The following MPLKIP variants were observed in gnomAD, a reference collection of about 807,000 sequenced individuals.
The protein encoded by MPLKIP is M-phase specific PLK1 interacting protein.
Under a neutral mutation model 16.9 loss-of-function variants are expected in MPLKIP, and 16 were observed. The ratio of observed to expected loss-of-function variants is 0.94; its 90% CI spans 0.64 to 1.43. The LOEUF is 1.43. Ranked by LOEUF, MPLKIP falls within the 40% of genes most tolerant of loss-of-function variation. MPLKIP has a pLI of 0.00. For missense variants in MPLKIP, 282 were observed against 237.6 expected, an observed-to-expected ratio of 1.19 and a Z score of -1.23; for synonymous variants, 126 against 98.4, an observed-to-expected ratio of 1.28 and a Z score of -1.66.
At chr7:40,133,990 G>T (rs1349386826) in intron 1 of MPLKIP, among the ~76,000 whole-genome samples, 1 of 152,136 alleles carries the variant, frequency 6.6e-6, no homozygotes, top group African/African-American at 2.4e-5. Context: ...CTGTGTACGG[G>T]TGGCAGTGTA....
Position 40,133,105 on chromosome 7 carries a change from C to T in MPLKIP, c.494G>A (p.Ser165Asn). 6.2e-7 allele frequency: 1 copy of T among 1,613,930 alleles called. No homozygotes were observed. Among genetic ancestry groups the T allele is most frequent in the South Asian group, 1.1e-5 (1 of 91,080 alleles). The change falls in exon 2 of 2, where the codon AGC (serine) becomes AAC (asparagine). Residue 165 changes from serine (S) to asparagine (N), a missense_variant. Coordinates refer to ENST00000306984, the MANE Select transcript of MPLKIP (RefSeq NM_138701.4). ...VSVVDISQQY[S>N]NTQTFTGKKG... is the part of the protein sequence containing the mutation. ...TTTGCCTGTGAATGTTTGAGTATTG[C>T]TGTATTGTTGGCTTATATCCACTAC...
At position 40,133,197 on chromosome 7, in the gene MPLKIP, A is replaced by AAT. The variant is rs1787492900; in HGVS notation, c.401_402insAT (p.Asn134LysfsTer20). On this transcript the variant is annotated frameshift_variant, in exon 2 of 2. Transcript: ENST00000306984. LOFTEE classifies it high-confidence loss of function. ...AAGGCTTGAAATAATTTTCCAACTC[A>AAT]TTAGACATTCTTTTTTCTCTAACAC... The AAT allele has an allele frequency of 6.2e-7, 1 of 1,613,786 alleles. No individual in the cohort carries two copies. The highest frequency in any genetic ancestry group is 1.3e-5 in the African/African-American group (1 of 74,936).
intron 1 of MPLKIP, among the ~76,000 whole-genome samples, 163 bp from the exon 2 acceptor site, chr7:40,133,422 A>AT: frequency 6.6e-6 from 1 of 152,278 alleles, no homozygotes; most frequent in African/African-American, 2.4e-5. Flanking sequence ...AAGTGTTCCT[A>AT]TTTTTTAAAA....
intron 1 of MPLKIP, 78 bp from the exon 2 acceptor site, chr7:40,133,337 A>T (rs1787500530): frequency 2.4e-6 from 3 of 1,254,398 alleles, no homozygotes; most frequent in Non-Finnish European, 1.2e-6. Flanking sequence ...GGTTAGCGGG[A>T]ATCACATTGC....
At position 40,134,279 on chromosome 7, in the gene MPLKIP, A is replaced by AC; in HGVS notation, c.288dup (p.Ser97ValfsTer32). 6.4e-7 allele frequency: 1 copy of AC among 1,560,252 alleles called. No individual in the cohort carries two copies. Among genetic ancestry groups the AC allele is most frequent in the Non-Finnish European group, 8.7e-7 (1 of 1,152,260 alleles). ...GGGGAGTAGCCGAATTGCTGCTGGG[A>AC]CCCCGCGGGGGACCTGGAGTAGGAG... On this transcript the variant is annotated frameshift_variant, in exon 1 of 2. Coordinates refer to ENST00000306984, the MANE Select transcript of MPLKIP (RefSeq NM_138701.4). LOFTEE classifies it high-confidence loss of function.
intron 1 of MPLKIP, 58 bp downstream of exon 1, chr7:40,134,171 A>T (rs917804889): frequency 1.2e-5 from 18 of 1,521,210 alleles, no homozygotes; most frequent in Non-Finnish European, 2.7e-6. Context: ...TAAAGGGAAT[A>T]TTAGTACCGT....
Position 40,133,016 on chromosome 7 carries a change from G to C in MPLKIP, c.*43C>G, listed in dbSNP as rs1215383668. The stretch of plus-strand genomic sequence containing the variant: ...CAACACAACTTAAAGTTTTGTCCAA[G>C]ATGTTCCTGACACATGAAGCTTCCA... On this transcript the variant is annotated 3_prime_UTR_variant, in exon 2 of 2. Coordinates refer to ENST00000306984, the MANE Select transcript of MPLKIP (RefSeq NM_138701.4). 6.4e-7 allele frequency: 1 copy of C among 1,556,876 alleles called. No individual in the cohort carries two copies. The highest frequency in any genetic ancestry group is 1.4e-5 in the African/African-American group (1 of 73,804).
At position 40,132,427 on chromosome 7, in the gene MPLKIP, T is replaced by C. The variant is rs1417388252; in HGVS notation, c.*632A>G. 6.5e-6 allele frequency: 1 copy of C among 153,574 alleles called. No homozygotes were observed. The highest frequency in any genetic ancestry group is 1.4e-5 in the Non-Finnish European group (1 of 69,048). 9.5% of individuals were successfully genotyped at this position (153,574 alleles called of 1,614,324 possible). A position where few individuals can be genotyped will look rare whatever the true frequency, so the allele number is the denominator to read the frequency against. ...TATAGAGAAATTCAGATAGAACACT[T>C]TGATTTAGCAATGCATGGTCTATTC... On this transcript the variant is annotated 3_prime_UTR_variant, in exon 2 of 2. Coordinates refer to ENST00000306984, the MANE Select transcript of MPLKIP (RefSeq NM_138701.4).
At chr7:40,133,419 C>T (rs1305509433) in intron 1 of MPLKIP, among the ~76,000 whole-genome samples, 160 bp from the exon 2 acceptor site, 1 of 152,112 alleles carries the variant, frequency 6.6e-6, no homozygotes, top group Non-Finnish European at 1.5e-5. Flanking sequence ...ATCAAGTGTT[C>T]CTATTTTTTA....
intron 1 of MPLKIP, among the ~76,000 whole-genome samples, chr7:40,133,988 G>A (rs1787529149): frequency 6.6e-6 from 1 of 152,000 alleles, no homozygotes; most frequent in South Asian, 2.1e-4. Context: ...ATCTGTGTAC[G>A]GGTGGCAGTG....
rs1261715340 is a variant in MPLKIP, at chr7:40,134,345, C to A, written c.223G>T (p.Gly75Trp). The A allele has an allele frequency of 6.4e-7, 1 of 1,552,996 alleles. No individual in the cohort carries two copies. Residue 75 changes from glycine (G) to tryptophan (W), a missense_variant, in exon 1 of 2, where the codon GGG (glycine) becomes TGG (tryptophan). Gly to Trp is a radical substitution (Grantham distance 184). Transcript: ENST00000306984. ...HSPRHGGSFP[G>W]GRFGSPSPGG... is the part of the protein sequence containing the mutation. ...GGGGACGGAGACCCGAACCGGCCCC[C>A]CGGGAAGCTGCCGCCGTGTCGCGGA...
At position 40,127,640 on chromosome 7, in the gene MPLKIP, TGTC is replaced by T. The variant is rs1268664121; in HGVS notation, c.*5416_*5418del. 6.6e-6 allele frequency: 1 copy of T among 152,188 alleles called. No individual in the cohort carries two copies. Among genetic ancestry groups the T allele is most frequent in the East Asian group, 1.9e-4 (1 of 5,196 alleles). The allele number at this position is 152,188 out of a possible 1,614,324, so 9.4% of individuals were successfully genotyped here. On this transcript the variant is annotated 3_prime_UTR_variant, in exon 2 of 2. Coordinates refer to ENST00000306984, the MANE Select transcript of MPLKIP (RefSeq NM_138701.4). ...AAGATGTATCTTATAATCAATGACA[TGTC>T]ACAGCTTAACTGGCAGTATTTTTAC...
chr7:40,130,495 C>T lies in MPLKIP; in HGVS notation c.*2564G>A, dbSNP rs1361245111. 6.6e-6 allele frequency: 1 copy of T among 152,144 alleles called. No homozygotes were observed. The highest frequency in any genetic ancestry group is 1.5e-5 in the Non-Finnish European group (1 of 68,000). The allele number at this position is 152,144 out of a possible 1,614,324, so 9.4% of individuals were successfully genotyped here. On this transcript the variant is annotated 3_prime_UTR_variant, in exon 2 of 2. Transcript: ENST00000306984. ...TGGTAAGCGTTAGCAAGAAATTTTA[C>T]CTTTGTTTTATGTTACACTTACAGT...
In MPLKIP at chr7:40,126,546, G is replaced by C. The variant is rs189031541; in HGVS notation, c.*6513C>G. 6.6e-6 allele frequency: 1 copy of C among 151,938 alleles called. No individual in the cohort carries two copies. Among genetic ancestry groups the C allele is most frequent in the Non-Finnish European group, 1.5e-5 (1 of 68,018 alleles). 9.4% of individuals were successfully genotyped at this position (151,938 alleles called of 1,614,324 possible). Reference sequence around the variant, plus strand: ...CTTCCTGGGCTCAAGCAATTCTCCTGCCTCAGCCTCCCAAGTAGCTGGGAT... The same window carrying C: ...CTTCCTGGGCTCAAGCAATTCTCCTCCCTCAGCCTCCCAAGTAGCTGGGAT... On this transcript the variant is annotated 3_prime_UTR_variant, in exon 2 of 2. Transcript: ENST00000306984.
chr7:40,133,453 TTATTCTCA>T (rs149024851), intron 1 of MPLKIP, among the ~76,000 whole-genome samples, 194 bp from the exon 2 acceptor site: 1 of 152,362 alleles, frequency 6.6e-6, no homozygotes, highest in African/African-American at 2.4e-5. Flanking sequence ...AAGCAATTCG[TTATTCTCA>T]TTTATTTATA....
Position 40,131,384 on chromosome 7 carries a change from A to C in MPLKIP, c.*1675T>G, listed in dbSNP as rs1449929916. 6.6e-6 allele frequency: 1 copy of C among 152,160 alleles called. No homozygotes were observed. Among genetic ancestry groups the C allele is most frequent in the African/African-American group, 2.4e-5 (1 of 41,394 alleles). The allele number at this position is 152,160 out of a possible 1,614,324, so 9.4% of individuals were successfully genotyped here. ...CGTATTTTGTAACTTCAAAATGCCT[A>C]GAGTCTGTGTTACATGTTAAAACAC... On this transcript the variant is annotated 3_prime_UTR_variant, in exon 2 of 2. Transcript: ENST00000306984.
At position 40,128,372 on chromosome 7, in the gene MPLKIP, T is replaced by G. The variant is rs1191644765; in HGVS notation, c.*4687A>C. On this transcript the variant is annotated 3_prime_UTR_variant, in exon 2 of 2. Transcript: ENST00000306984. ...TTTGGCCTATGTAAAACAATTAATA[T>G]GGAATTTATAGAACCTAATAATAAA... is the stretch of plus-strand genomic sequence containing the variant. 5.3e-5 allele frequency: 8 copies of G among 152,322 alleles called. No individual in the cohort carries two copies. The South Asian group carries it at 1.0e-3, about 20-fold the overall frequency. 9.4% of individuals were successfully genotyped at this position (152,322 alleles called of 1,614,324 possible). A position where few individuals can be genotyped will look rare whatever the true frequency, so the allele number is the denominator to read the frequency against.
chr7:40,134,461 G>A lies in MPLKIP; in HGVS notation c.107C>T (p.Pro36Leu), dbSNP rs913615620. 6.4e-7 allele frequency: 1 copy of A among 1,570,596 alleles called. No individual in the cohort carries two copies. The highest frequency in any genetic ancestry group is 2.3e-5 in the East Asian group (1 of 42,572). The stretch of plus-strand genomic sequence containing the variant: ...CCCGTCTCGAGGGGAGGGCGGCCGT[G>A]GTCCGCCCCCGCCCGGGGTTCCCCG... ...SFRGTPGGGG[P>L]RPPSPRDGYG... The change falls in exon 1 of 2, where the codon CCA becomes CTA. Residue 36 changes from proline to leucine, a missense_variant. Pro to Leu is a moderately conservative substitution (Grantham distance 98). Coordinates refer to ENST00000306984, the MANE Select transcript of MPLKIP (RefSeq NM_138701.4).
Position 40,134,308 on chromosome 7 carries a change from G to C in MPLKIP, c.260C>G (p.Pro87Arg). 1 of 1,557,126 alleles carries C rather than the reference G, an allele frequency of 6.4e-7. No homozygotes were observed. Among genetic ancestry groups the C allele is most frequent in the Non-Finnish European group, 8.7e-7 (1 of 1,150,626 alleles). The part of the protein sequence containing the change: ...RFGSPSPGGY[P>R]GSYSRSPAGS... ...CGCGGGGGACCTGGAGTAGGAGCCA[G>C]GGTAGCCGCCAGGGGACGGAGACCC... Residue 87 changes from proline to arginine, a missense_variant, in exon 1 of 2, where the codon CCT (proline) becomes CGT (arginine). By Grantham distance (103) the Pro-to-Arg change is moderately radical. Coordinates refer to ENST00000306984, the MANE Select transcript of MPLKIP (RefSeq NM_138701.4).
Sources: allele counts gnomAD v4.1 joint callset (sites outside exome capture counted in the v4.1 genomes callset), GRCh38; gene constraint gnomAD v4.1.1; transcripts MANE v1.5; gene names NCBI Gene and HGNC (gene_info 2026-07-23, HGNC 2026-07-21).